Variants in PPP1R12A observed in about 807,000 individuals in gnomAD.
The protein encoded by PPP1R12A is protein phosphatase 1 regulatory subunit 12A.
Under a neutral mutation model 139.6 loss-of-function variants are expected in PPP1R12A, and 19 were observed. The ratio of observed to expected loss-of-function variants is 0.14; its 90% CI spans 0.09 to 0.20. The LOEUF is 0.20. Among genes scored for constraint, PPP1R12A ranks in the 10% least tolerant of loss-of-function variants. The probability of loss-of-function intolerance (pLI) is 1.00; values close to 1 mark genes in which losing one functional copy is unlikely to be tolerated. For missense variants in PPP1R12A, 925 were observed against 1,211.5 expected, an observed-to-expected ratio of 0.76 and a Z score of 3.51; for synonymous variants, 427 against 420.6, an observed-to-expected ratio of 1.02 and a Z score of -0.19.
intron 17 of PPP1R12A, 150 bp from the exon 18 acceptor site, chr12:79,795,909 T>C (rs1277021431): frequency 7.4e-6 from 5 of 673,252 alleles, no homozygotes; most frequent in South Asian, 2.8e-5. Flanking sequence ...CAGCCAATTG[T>C]TGGTATGTGA....
intron 3 of PPP1R12A, among the ~76,000 whole-genome samples, chr12:79,844,927 G>A (rs1462389762): frequency 6.6e-6 from 1 of 152,042 alleles, no homozygotes; most frequent in African/African-American, 2.4e-5. Context: ...TTCCCTCATT[G>A]TATTCACATC....
Position 79,788,750 on chromosome 12 carries a change from T to A in PPP1R12A, c.2700A>T (p.Arg900=), listed in dbSNP as rs763118697. The A allele has an allele frequency of 1.2e-6, 2 of 1,612,142 alleles. No individual in the cohort carries two copies. Among genetic ancestry groups the A allele is most frequent in the Non-Finnish European group, 1.7e-6 (2 of 1,178,966 alleles). Residue 900 remains arginine, a synonymous_variant, in exon 21 of 25, where the codon CGA becomes CGT. Transcript: ENST00000450142. ...YETSSTSAGD[R]YDSLLGRSGS... is the part of the protein sequence containing the mutation. ...CAGAGCGACCCAGCAAGGAATCATA[T>A]CGATCACCAGCTGATGTAGAACTGG... is the stretch of plus-strand genomic sequence containing the variant.
intron 22 of PPP1R12A, among the ~76,000 whole-genome samples, chr12:79,785,684 T>C (rs930900629): frequency 1.9e-4 from 29 of 152,212 alleles, no homozygotes; most frequent in African/African-American, 7.0e-4. Flanking sequence ...AAATAGACCC[T>C]GTAAAGTCTT....
chr12:79,935,166 A>C (rs1592862063), upstream of PPP1R12A: 1 of 1,332,664 alleles, frequency 7.5e-7, no homozygotes. Context: ...CAGCACGGCC[A>C]CCCGTCACCG....
chr12:79,833,107 T>C (rs897885640), intron 3 of PPP1R12A, among the ~76,000 whole-genome samples: 7 of 151,892 alleles, frequency 4.6e-5, no homozygotes, highest in Admixed American at 4.6e-4. Flanking sequence ...TAGGTTGAGG[T>C]GATAAAAGTG....
intron 20 of PPP1R12A, among the ~76,000 whole-genome samples, chr12:79,790,214 T>C (rs904912914): frequency 5.3e-5 from 8 of 152,178 alleles, no homozygotes; most frequent in Non-Finnish European, 7.3e-5. Context: ...AATGAGATAG[T>C]TGAACTAACT....
intron 1 of PPP1R12A, among the ~76,000 whole-genome samples, chr12:79,929,103 C>G (rs1592850303): frequency 6.6e-6 from 1 of 152,188 alleles, no homozygotes; most frequent in Admixed American, 6.5e-5. Context: ...TGTTCTACCT[C>G]ACATCATCAT....
chr12:79,788,374 T>C (rs939124169), intron 21 of PPP1R12A: 1 of 279,470 alleles, frequency 3.6e-6, no homozygotes, highest in Non-Finnish European at 6.8e-6. Context: ...AAAGTGTGTA[T>C]ACATTTGTGT....
At chr12:79,881,963 T>C (rs370499174) in intron 1 of PPP1R12A, among the ~76,000 whole-genome samples, 7 of 152,178 alleles carry the variant, frequency 4.6e-5, no homozygotes, top group African/African-American at 1.7e-4. Flanking sequence ...GTTTACAGCA[T>C]GGTTTACTAA....
intron 17 of PPP1R12A, 142 bp from the exon 18 acceptor site, chr12:79,795,901 G>GCC: frequency 1.4e-6 from 1 of 689,984 alleles, no homozygotes; most frequent in South Asian, 2.8e-5. Flanking sequence ...CTTAGCTCCA[G>GCC]CCAATTGTTG....
At chr12:79,862,944 T>A (rs1162200234) in intron 2 of PPP1R12A, among the ~76,000 whole-genome samples, 2 of 152,084 alleles carry the variant, frequency 1.3e-5, no homozygotes, top group African/African-American at 4.8e-5. Context: ...CAGGCCAACA[T>A]TCAAATTCAG....
chr12:79,851,125 A>T (rs949222529), intron 2 of PPP1R12A, among the ~76,000 whole-genome samples: 1 of 152,206 alleles, frequency 6.6e-6, no homozygotes, highest in African/African-American at 2.4e-5. Context: ...TGTAATAGTT[A>T]TATGCTTCTT....
At chr12:79,777,050 T>C in intron 24 of PPP1R12A, 1 of 521,020 alleles carries the variant, frequency 1.9e-6, no homozygotes, top group Non-Finnish European at 2.5e-6. Context: ...AGTTTATTCA[T>C]TTGAATATTT....
intron 1 of PPP1R12A, among the ~76,000 whole-genome samples, chr12:79,887,925 CTACAG>C (rs894172007): frequency 6.6e-6 from 1 of 152,068 alleles, no homozygotes; most frequent in African/African-American, 2.4e-5. Context: ...AAAAACATCT[CTACAG>C]TAAGGACATA....
chr12:79,852,266 C>T (rs1003533899), intron 2 of PPP1R12A, among the ~76,000 whole-genome samples: 1 of 151,172 alleles, frequency 6.6e-6, no homozygotes, highest in African/African-American at 2.4e-5. Flanking sequence ...TCACAGTTCA[C>T]TACAGCCATG....
At chr12:79,866,852 T>G (rs1263629745) in intron 2 of PPP1R12A, among the ~76,000 whole-genome samples, 2 of 152,156 alleles carry the variant, frequency 1.3e-5, no homozygotes, top group East Asian at 3.8e-4. Flanking sequence ...AAAACAGGAA[T>G]GCTTTTACAC....
chr12:79,827,815 C>A (rs1040814888), intron 5 of PPP1R12A, among the ~76,000 whole-genome samples: 2 of 152,048 alleles, frequency 1.3e-5, no homozygotes, highest in African/African-American at 4.8e-5. Context: ...TCTCAATGAT[C>A]CCCTTTGGCA....
chr12:79,858,809 A>T (rs1880976748), intron 2 of PPP1R12A, among the ~76,000 whole-genome samples: 1 of 152,182 alleles, frequency 6.6e-6, no homozygotes, highest in Non-Finnish European at 1.5e-5. Context: ...AAGCCTAGAA[A>T]AGAGTGGAGG....
intron 8 of PPP1R12A, among the ~76,000 whole-genome samples, chr12:79,818,391 G>C (rs1053825193): frequency 6.6e-6 from 1 of 151,994 alleles, no homozygotes; most frequent in Non-Finnish European, 1.5e-5. Context: ...ACAGGTGTGC[G>C]CTACCACACC....
Sources: gnomAD v4.1 joint callset for allele counts (sites outside exome capture counted in the v4.1 genomes callset) on GRCh38, gnomAD v4.1.1 for gene constraint, MANE v1.5 for transcripts, NCBI Gene and HGNC (gene_info 2026-07-23, HGNC 2026-07-21) for gene names.